Variants in CEP350 observed in about 807,000 individuals in gnomAD.
CEP350 encodes centrosomal protein 350.
Under a neutral mutation model 331.8 loss-of-function variants are expected in CEP350, and 126 were observed. The ratio of observed to expected loss-of-function variants is 0.38; its 90% CI spans 0.33 to 0.44. The LOEUF (loss-of-function observed/expected upper bound fraction) is 0.44. Ranked by LOEUF, CEP350 falls within the 20% of genes least tolerant of loss-of-function variation. The probability of loss-of-function intolerance (pLI) is 1.00; values close to 1 mark genes in which losing one functional copy is unlikely to be tolerated. For missense variants in CEP350, 3,406 were observed against 3,634.6 expected, an observed-to-expected ratio of 0.94 and a Z score of 1.62; for synonymous variants, 1,200 against 1,259.5, an observed-to-expected ratio of 0.95 and a Z score of 1.00.
chr1:180,049,910 C>T (rs1200479338), intron 22 of CEP350, among the ~76,000 whole-genome samples: 1 of 152,258 alleles, frequency 6.6e-6, no homozygotes. Context: ...GACAGTGGGC[C>T]TCAGGCATTG....
intron 1 of CEP350, among the ~76,000 whole-genome samples, chr1:179,962,952 T>G (rs745993809): frequency 1.3e-5 from 2 of 152,206 alleles, no homozygotes; most frequent in Non-Finnish European, 2.9e-5. Flanking sequence ...GATACTCCCT[T>G]TTCTCTGCAT....
intron 11 of CEP350, among the ~76,000 whole-genome samples, chr1:180,016,549 G>A (rs1368446107): frequency 6.6e-6 from 1 of 151,988 alleles, no homozygotes; most frequent in Non-Finnish European, 1.5e-5. Flanking sequence ...TTTAGGTTAT[G>A]TGGTTATAAA....
chr1:179,957,221 A>G (rs1236134812), intron 1 of CEP350, among the ~76,000 whole-genome samples: 1 of 152,174 alleles, frequency 6.6e-6, no homozygotes, highest in Non-Finnish European at 1.5e-5. Flanking sequence ...TTCAAGCCAC[A>G]TGATCAGTAA....
chr1:180,107,475 C>T (rs940491176), intron 37 of CEP350, among the ~76,000 whole-genome samples: 5 of 152,156 alleles, frequency 3.3e-5, no homozygotes, highest in South Asian at 2.1e-4. Context: ...TTGAGACCAG[C>T]CTGGCCAACA....
chr1:180,052,087 A>G, intron 22 of CEP350: 1 of 338,650 alleles, frequency 3.0e-6, no homozygotes, highest in Admixed American at 4.0e-5. Context: ...AACTATGTGC[A>G]CACACGTATA....
At chr1:180,031,820 C>G (rs934087025) in intron 15 of CEP350, among the ~76,000 whole-genome samples, 4 of 151,998 alleles carry the variant, frequency 2.6e-5, no homozygotes, top group Non-Finnish European at 5.9e-5. Context: ...AAGCAGCTAC[C>G]CTGCTTAGGG....
chr1:180,050,157 G>A (rs976435901), intron 22 of CEP350, among the ~76,000 whole-genome samples: 3 of 152,068 alleles, frequency 2.0e-5, no homozygotes, highest in African/African-American at 7.2e-5. Flanking sequence ...GGTGACGTTC[G>A]GTTTCATGAT....
chr1:180,103,201 C>A (rs946053636), intron 37 of CEP350, among the ~76,000 whole-genome samples: 1 of 152,158 alleles, frequency 6.6e-6, no homozygotes, highest in African/African-American at 2.4e-5. Context: ...TCTACTTGGC[C>A]AGTGCCATCT....
intron 1 of CEP350, among the ~76,000 whole-genome samples, chr1:179,955,834 G>GA (rs1650133587): frequency 2.0e-5 from 3 of 152,282 alleles, no homozygotes; most frequent in South Asian, 4.1e-4. Flanking sequence ...CTTCATATGG[G>GA]AAAAAACAGG....
chr1:180,034,103 G>A, intron 16 of CEP350, 21 bp downstream of exon 16: 1 of 1,597,540 alleles, frequency 6.3e-7, no homozygotes, highest in African/African-American at 1.3e-5. Context: ...TCATGCAATT[G>A]TAATTTTTAG....
At chr1:180,096,292 C>T in intron 36 of CEP350, 108 bp downstream of exon 36, 6 of 1,231,896 alleles carry the variant, frequency 4.9e-6, no homozygotes, top group South Asian at 1.8e-5. Context: ...ACCTTTGTGT[C>T]TTCAGGACCT....
At chr1:180,057,172 C>G (rs1223658593) in intron 25 of CEP350, among the ~76,000 whole-genome samples, 1 of 150,758 alleles carries the variant, frequency 6.6e-6, no homozygotes, top group Admixed American at 6.6e-5. Context: ...GATCTTGGCT[C>G]ACTGCAACCC....
intron 27 of CEP350, among the ~76,000 whole-genome samples, chr1:180,071,901 T>C (rs1171224236): frequency 6.6e-6 from 1 of 152,236 alleles, no homozygotes; most frequent in Non-Finnish European, 1.5e-5. Context: ...AGTGTTCCGT[T>C]ACCATCAGAG....
At chr1:180,075,306 G>C (rs932226888) in intron 28 of CEP350, 85 bp downstream of exon 28, 1 of 1,353,886 alleles carries the variant, frequency 7.4e-7, no homozygotes, top group African/African-American at 1.5e-5. Context: ...AAAATGCGAG[G>C]CTGGGCGCAG....
chr1:180,044,311 T>TTA (rs1656971953), intron 21 of CEP350, 138 bp downstream of exon 21: 2 of 782,890 alleles, frequency 2.6e-6, no homozygotes, highest in Non-Finnish European at 3.7e-6. Context: ...GCTTCCCTAA[T>TTA]TAGCCAATTT....
At chr1:180,010,550 T>C (rs987996747) in intron 8 of CEP350, among the ~76,000 whole-genome samples, 2 of 151,938 alleles carry the variant, frequency 1.3e-5, no homozygotes, top group Admixed American at 1.3e-4. Context: ...GAAGTGCTAC[T>C]ACATTATTTT....
chr1:180,085,692 C>G (rs1393135411), intron 31 of CEP350: 1 of 152,214 alleles, frequency 6.6e-6, no homozygotes, highest in East Asian at 1.9e-4. Context: ...TTCAAAATTT[C>G]AAGCTAATTG....
At chr1:180,085,621 T>C (rs1322767781) in intron 31 of CEP350, 1 of 152,250 alleles carries the variant, frequency 6.6e-6, no homozygotes, top group East Asian at 1.9e-4. Context: ...GAATCCCTTC[T>C]CATCTCATCA....
At chr1:180,086,760 C>T (rs185639416) in intron 31 of CEP350, among the ~76,000 whole-genome samples, 4 of 152,142 alleles carry the variant, frequency 2.6e-5, no homozygotes, top group East Asian at 1.9e-4. Flanking sequence ...ACAATTCAGA[C>T]GAAGGTAACA....
Sources: gnomAD v4.1 joint callset for allele counts (sites outside exome capture counted in the v4.1 genomes callset) on GRCh38, gnomAD v4.1.1 for gene constraint, MANE v1.5 for transcripts, NCBI Gene and HGNC (gene_info 2026-07-23, HGNC 2026-07-21) for gene names.